TMCO4: variants seen among roughly 807,000 people sequenced by gnomAD.
TMCO4 encodes transmembrane and coiled-coil domains 4.
In TMCO4, 58 loss-of-function variants were observed where a neutral mutation model predicts 64.7. The observed-to-expected ratio is 0.90, with a 90% confidence interval of 0.73 to 1.12. The LOEUF is 1.12. Ranked by LOEUF, TMCO4 falls within the 50% of genes most tolerant of loss-of-function variation. The pLI, the probability that TMCO4 is intolerant of heterozygous loss-of-function variation, is 0.00. For synonymous variants in TMCO4, 325 were observed against 346.1 expected, an observed-to-expected ratio of 0.94 and a Z score of 0.68; for missense variants, 780 against 825.9, an observed-to-expected ratio of 0.94 and a Z score of 0.68.
chr1:19,747,325 A>G, intron 7 of TMCO4, 65 bp from the exon 8 acceptor site: 1 of 1,389,566 alleles, frequency 7.2e-7, no homozygotes, highest in South Asian at 1.2e-5. Context: ...CATCCCCACC[A>G]CACCAACCCT....
At chr1:19,754,550 T>G (rs1250342345) in intron 7 of TMCO4, among the ~76,000 whole-genome samples, 1 of 152,136 alleles carries the variant, frequency 6.6e-6, no homozygotes, top group Non-Finnish European at 1.5e-5. Context: ...TCGGGTAACC[T>G]GGCTGGTCAA....
intron 2 of TMCO4, among the ~76,000 whole-genome samples, chr1:19,792,051 C>T (rs773150788): frequency 2.6e-5 from 4 of 152,188 alleles, no homozygotes; most frequent in South Asian, 2.1e-4. Flanking sequence ...TCATGTAAGA[C>T]GTGCCTTTCA....
chr1:19,729,966 A>T (rs1299057075), intron 13 of TMCO4, among the ~76,000 whole-genome samples: 2 of 152,226 alleles, frequency 1.3e-5, no homozygotes, highest in Non-Finnish European at 2.9e-5. Context: ...ACACACAAAA[A>T]CCACAAGCAA....
At chr1:19,714,152 G>T (rs372884839) in intron 13 of TMCO4, among the ~76,000 whole-genome samples, 1 of 152,160 alleles carries the variant, frequency 6.6e-6, no homozygotes, top group Non-Finnish European at 1.5e-5. Flanking sequence ...GGCCAGCGTG[G>T]TCTCAAACTC....
At chr1:19,711,896 A>T (rs2095332385) in intron 13 of TMCO4, among the ~76,000 whole-genome samples, 1 of 152,152 alleles carries the variant, frequency 6.6e-6, no homozygotes, top group African/African-American at 2.4e-5. Context: ...ACCTCAGGTG[A>T]TCCACCCACC....
intron 13 of TMCO4, among the ~76,000 whole-genome samples, chr1:19,730,117 C>A (rs1237145018): frequency 6.6e-6 from 1 of 152,234 alleles, no homozygotes; most frequent in Non-Finnish European, 1.5e-5. Flanking sequence ...GGTAGGAAGG[C>A]ATTTACTGGC....
intron 13 of TMCO4, among the ~76,000 whole-genome samples, chr1:19,716,955 G>A (rs1167279042): frequency 6.6e-6 from 1 of 152,176 alleles, no homozygotes. Context: ...TGGAGGCCGA[G>A]GTGGGTGGAT....
At chr1:19,755,487 C>G in intron 7 of TMCO4, 147 bp downstream of exon 7, 1 of 1,162,796 alleles carries the variant, frequency 8.6e-7, no homozygotes. Context: ...GGCCACACAG[C>G]GAGTCAGGGC....
chr1:19,759,530 C>A (rs1386216298), intron 6 of TMCO4, among the ~76,000 whole-genome samples: 1 of 152,222 alleles, frequency 6.6e-6, no homozygotes, highest in Non-Finnish European at 1.5e-5. Context: ...GCCATCCTCT[C>A]CGACCTCACC....
At chr1:19,719,539 T>C (rs530288991) in intron 13 of TMCO4, among the ~76,000 whole-genome samples, 57 of 152,240 alleles carry the variant, frequency 3.7e-4, no homozygotes, top group Middle Eastern at 3.4e-3. Flanking sequence ...TATTGATTGA[T>C]TGATTTAGAG....
intron 13 of TMCO4, among the ~76,000 whole-genome samples, chr1:19,721,822 C>T (rs965020095): frequency 6.6e-6 from 1 of 151,502 alleles, no homozygotes; most frequent in East Asian, 1.9e-4. Context: ...CAAAACACAA[C>T]ACACACACAC....
At chr1:19,793,778 T>C (rs552803103) in intron 2 of TMCO4, among the ~76,000 whole-genome samples, 1 of 152,200 alleles carries the variant, frequency 6.6e-6, no homozygotes, top group Non-Finnish European at 1.5e-5. Flanking sequence ...CCAGGCCCTG[T>C]GATGTGTGCC....
chr1:19,737,482 C>A, intron 12 of TMCO4, 26 bp from the exon 13 acceptor site: 1 of 1,611,488 alleles, frequency 6.2e-7, no homozygotes, highest in South Asian at 1.1e-5. Context: ...ACACAGGTGT[C>A]TGGAAGGAAT....
rs140345947 is a variant in TMCO4, at chr1:19,721,008, T to C, written c.1264+16364A>G. 5.3e-3 allele frequency among the ~76,000 whole-genome samples: 808 copies of C among 152,226 alleles called. 4 individuals carry two copies. Among genetic ancestry groups the C allele is most frequent in the African/African-American group, 0.018 (760 of 41,528 alleles). On this transcript the variant is annotated intron_variant, in intron 13 of 15. Coordinates refer to ENST00000294543, the MANE Select transcript of TMCO4 (RefSeq NM_181719.7). ...TGGGAACTGAGATGATTAATTAACA[T>C]GTAAGTTAATGAGACTTTGGGGTGT...
chr1:19,696,713 A>C (rs1381111444), intron 14 of TMCO4, among the ~76,000 whole-genome samples: 1 of 152,236 alleles, frequency 6.6e-6, no homozygotes, highest in Non-Finnish European at 1.5e-5. Context: ...TTTCCAATAC[A>C]GCTGGGTATA....
rs770694925 is a variant in TMCO4, at chr1:19,780,698, T to C, written c.61A>G (p.Thr21Ala). 1 of 1,613,312 alleles carries C rather than the reference T, an allele frequency of 6.2e-7. No individual in the cohort carries two copies. Among genetic ancestry groups the C allele is most frequent in the East Asian group, 2.2e-5 (1 of 44,864 alleles). The change falls in exon 4 of 16, where the codon ACT (threonine) becomes GCT (alanine). Residue 21 changes from threonine to alanine, a missense_variant. By Grantham distance (58) the Thr-to-Ala change is moderately conservative. Transcript: ENST00000294543. ...LPQQPLVAEP[T>A]AEGEPHLPTG... The stretch of plus-strand genomic sequence containing the variant: ...GGCAGGTGTGGCTCCCCCTCTGCAG[T>C]GGGCTCAGCTACCAGAGGCTGCTGA...
chr1:19,698,527 CAT>C lies in TMCO4; in HGVS notation c.1382+2239_1382+2240del, dbSNP rs1018233659. 4.1e-4 allele frequency among the ~76,000 whole-genome samples: 62 copies of C among 152,352 alleles called. 1 individual carries two copies. Among genetic ancestry groups the C allele is most frequent in the Admixed American group, 3.1e-3 (48 of 15,304 alleles). ...AAGAGCTTTATTCATGTAAATTACACATGAGTAAACTTGTGTAGTTGGGTAGG... is the reference window on the plus strand; with the variant it reads ...AAGAGCTTTATTCATGTAAATTACACGAGTAAACTTGTGTAGTTGGGTAGG... On this transcript the variant is annotated intron_variant, in intron 14 of 15. Transcript: ENST00000294543.
chr1:19,749,916 C>A (rs1490352766), intron 7 of TMCO4, among the ~76,000 whole-genome samples: 4 of 149,992 alleles, frequency 2.7e-5, no homozygotes, highest in Admixed American at 1.3e-4. Flanking sequence ...AGCCTATCCC[C>A]ACAGTGGACA....
At chr1:19,782,225 A>C (rs2043525873) in intron 3 of TMCO4, among the ~76,000 whole-genome samples, 1 of 152,228 alleles carries the variant, frequency 6.6e-6, no homozygotes, top group African/African-American at 2.4e-5. Flanking sequence ...CAGCAATGGA[A>C]AGGGAATGAA....
Sources: allele counts gnomAD v4.1 joint callset (sites outside exome capture counted in the v4.1 genomes callset), GRCh38; gene constraint gnomAD v4.1.1; transcripts MANE v1.5; gene names NCBI Gene and HGNC (gene_info 2026-07-23, HGNC 2026-07-21).